SLC25A21: variants seen among roughly 807,000 people sequenced by gnomAD.
The protein encoded by SLC25A21 is mitochondrial 2-oxodicarboxylate carrier.
SLC25A21 carries 47 observed loss-of-function variants against 43.8 expected under a neutral mutation model. The observed-to-expected ratio is 1.07, with a 90% CI of 0.85 to 1.37. SLC25A21 has a LOEUF of 1.37. Among genes scored for constraint, SLC25A21 ranks in the 40% most tolerant of loss-of-function variants. The pLI, the probability that SLC25A21 is intolerant of heterozygous loss-of-function variation, is 0.00. For synonymous variants in SLC25A21, 131 were observed against 121.3 expected (o/e 1.08, Z -0.52); for missense variants, 352 against 350.2 (o/e 1.00, Z -0.04).
chr14:36,958,593 T>A (rs1353078772), intron 1 of SLC25A21, among the ~76,000 whole-genome samples: 1 of 152,008 alleles, frequency 6.6e-6, no homozygotes, highest in Non-Finnish European at 1.5e-5. Flanking sequence ...GTTGAGGCCT[T>A]ACCCAGATAT....
At chr14:36,757,925 C>A (rs1365603088) in intron 3 of SLC25A21, among the ~76,000 whole-genome samples, 2 of 152,260 alleles carry the variant, frequency 1.3e-5, no homozygotes, top group Non-Finnish European at 2.9e-5. Flanking sequence ...GCATTTGTCA[C>A]CATGCATAGC....
intron 3 of SLC25A21, among the ~76,000 whole-genome samples, chr14:36,743,349 G>A (rs545519824): frequency 7.3e-5 from 11 of 151,452 alleles, no homozygotes; most frequent in Admixed American, 7.3e-4. Flanking sequence ...TGCTTATAAA[G>A]ATGAACACTT....
chr14:36,937,249 G>A (rs909059798), intron 1 of SLC25A21, among the ~76,000 whole-genome samples: 52 of 152,144 alleles, frequency 3.4e-4, no homozygotes, highest in African/African-American at 1.1e-3. Flanking sequence ...CCAATGAGGC[G>A]CTCTTAGCAA....
chr14:37,156,926 A>G (rs532749374), intron 1 of SLC25A21, among the ~76,000 whole-genome samples: 1 of 152,354 alleles, frequency 6.6e-6, no homozygotes, highest in East Asian at 1.9e-4. Flanking sequence ...ATTAGATCAA[A>G]TGGACCTAAC....
intron 6 of SLC25A21, among the ~76,000 whole-genome samples, chr14:36,713,161 C>T (rs752646184): frequency 5.9e-5 from 9 of 152,234 alleles, no homozygotes; most frequent in Admixed American, 1.3e-4. Context: ...GGAGGAGCTC[C>T]GAGGCCATCT....
intron 1 of SLC25A21, among the ~76,000 whole-genome samples, chr14:37,132,224 C>A (rs1963403553): frequency 1.3e-5 from 2 of 152,116 alleles, no homozygotes; most frequent in South Asian, 4.1e-4. Flanking sequence ...TCTTAAAGGT[C>A]CCACTTTCAA....
chr14:36,877,587 C>G (rs1205299935), intron 1 of SLC25A21, among the ~76,000 whole-genome samples: 1 of 152,028 alleles, frequency 6.6e-6, no homozygotes, highest in Non-Finnish European at 1.5e-5. Flanking sequence ...AATAGTAATG[C>G]ATGGGAGGAG....
At chr14:36,710,545 C>G (rs10147714) in intron 7 of SLC25A21, among the ~76,000 whole-genome samples, 15,339 of 152,062 alleles carry the variant, frequency 0.1, 1,246 homozygotes, top group East Asian at 0.48. Context: ...CTCCTCCCAC[C>G]TCAGCCTCCC....
rs369193027 is a variant in SLC25A21 at position 37,130,214 on chromosome 14, T to G, written c.70+42067A>C. Among the ~76,000 whole-genome samples the G allele has an allele frequency of 7.2e-4, 109 of 152,196 alleles. 1 individual carries two copies. The South Asian group carries it at 0.022, about 30-fold the overall frequency. On this transcript the variant is annotated intron_variant, in intron 1 of 9. Coordinates refer to ENST00000331299, the MANE Select transcript of SLC25A21 (RefSeq NM_030631.4). ...AGGAGTTAGAGGCTGCAGTGAGCTA[T>G]GATTGGGCCTCTGTACTTGTGCTTT...
rs187222470 is a variant in SLC25A21, at chr14:37,122,951, C to T, written c.70+49330G>A. Among the ~76,000 whole-genome samples the T allele has an allele frequency of 2.0e-5, 3 of 152,290 alleles. No homozygotes were observed. The South Asian group carries it at 6.2e-4, about 32-fold the overall frequency. On this transcript the variant is annotated intron_variant, in intron 1 of 9. Transcript: ENST00000331299. ...AGCTGATAACAATTTGCTACTATAT[C>T]TTAGGCATCTAAAATCCAATATCAA...
chr14:37,029,375 T>C lies in SLC25A21; in HGVS notation c.70+142906A>G, dbSNP rs1248101663. 2.0e-5 allele frequency among the ~76,000 whole-genome samples: 3 copies of C among 152,258 alleles called. 1 individual carries two copies. Among genetic ancestry groups the C allele is most frequent in the Middle Eastern group, 6.8e-3 (2 of 294 alleles). On this transcript the variant is annotated intron_variant, in intron 1 of 9. Coordinates refer to ENST00000331299, the MANE Select transcript of SLC25A21 (RefSeq NM_030631.4). ...TACCCCTTTGCAGACTCCATATTTC[T>C]TTTTTTCAAGAAATATAAAGCTTGC...
intron 1 of SLC25A21, among the ~76,000 whole-genome samples, chr14:36,995,583 C>T (rs1300108949): frequency 2.6e-5 from 4 of 152,270 alleles, no homozygotes; most frequent in East Asian, 1.9e-4. Flanking sequence ...AGCCCACCTA[C>T]GATGGGAAAG....
chr14:36,711,601 A>G, intron 6 of SLC25A21, 119 bp from the exon 7 acceptor site: 2 of 1,135,232 alleles, frequency 1.8e-6, no homozygotes, highest in Non-Finnish European at 2.4e-6. Flanking sequence ...CCCAGATATG[A>G]ATAATCATGC....
At chr14:37,080,787 G>T (rs892685886) in intron 1 of SLC25A21, among the ~76,000 whole-genome samples, 1 of 152,140 alleles carries the variant, frequency 6.6e-6, no homozygotes, top group Non-Finnish European at 1.5e-5. Context: ...ATTCCAGATA[G>T]AATTAAGATT....
At chr14:36,798,572 A>G (rs1379084092) in intron 3 of SLC25A21, among the ~76,000 whole-genome samples, 1 of 150,592 alleles carries the variant, frequency 6.6e-6, no homozygotes, top group Non-Finnish European at 1.5e-5. Context: ...TTTTTAATGT[A>G]ACTGGTATGC....
At chr14:37,142,180 T>C (rs1427090783) in intron 1 of SLC25A21, among the ~76,000 whole-genome samples, 2 of 152,180 alleles carry the variant, frequency 1.3e-5, no homozygotes, top group Admixed American at 6.5e-5. Flanking sequence ...AACAACCTTA[T>C]GGAGAAAGAT....
At chr14:37,125,375 G>A (rs754286810) in intron 1 of SLC25A21, among the ~76,000 whole-genome samples, 6 of 152,254 alleles carry the variant, frequency 3.9e-5, no homozygotes, top group Non-Finnish European at 5.9e-5. Flanking sequence ...CAAGCCCCTC[G>A]TCTTCCATTA....
At position 37,161,594 on chromosome 14, in the gene SLC25A21, T is replaced by C. The variant is rs958970906; in HGVS notation, c.70+10687A>G. On this transcript the variant is annotated intron_variant, in intron 1 of 9. Transcript: ENST00000331299. Reference sequence around the variant, plus strand: ...ATGTAATCAAGTTAAAATATGGTCATATTGGATTACAGTGAACCCTAATCC... The same window carrying C: ...ATGTAATCAAGTTAAAATATGGTCACATTGGATTACAGTGAACCCTAATCC... Among the ~76,000 whole-genome samples the C allele has an allele frequency of 1.1e-4, 16 of 152,294 alleles. No homozygotes were observed. In the East Asian group the frequency reaches 3.1e-3, roughly 29 times the overall value.
intron 1 of SLC25A21, among the ~76,000 whole-genome samples, chr14:36,910,038 G>A (rs566748732): frequency 1.6e-4 from 25 of 152,262 alleles, no homozygotes; most frequent in Admixed American, 6.5e-4. Context: ...AGGGATATAA[G>A]CGCTACTCTC....
Sources: allele counts gnomAD v4.1 joint callset (sites outside exome capture counted in the v4.1 genomes callset), GRCh38; gene constraint gnomAD v4.1.1; transcripts MANE v1.5; gene names NCBI Gene and HGNC (gene_info 2026-07-23, HGNC 2026-07-21).